TCF7L1: variants seen among roughly 807,000 people sequenced by gnomAD.
The protein encoded by TCF7L1 is transcription factor 7 like 1, also known as transcription factor 7-like 1.
Under a neutral mutation model 63.7 loss-of-function variants are expected in TCF7L1, and 18 were observed. The ratio of observed to expected loss-of-function variants is 0.28; its 90% confidence interval spans 0.20 to 0.42. TCF7L1 has a LOEUF of 0.42. Among genes scored for constraint, TCF7L1 ranks in the 10% least tolerant of loss-of-function variants. The pLI, the probability that TCF7L1 is intolerant of heterozygous loss-of-function variation, is 1.00. For synonymous variants in TCF7L1, 355 were observed against 340.9 expected (o/e 1.04, Z -0.46); for missense variants, 654 against 779.3 (o/e 0.84, Z 1.91).
intron 3 of TCF7L1, among the ~76,000 whole-genome samples, chr2:85,226,004 T>A (rs1373286856): frequency 6.6e-6 from 1 of 152,226 alleles, no homozygotes; most frequent in Non-Finnish European, 1.5e-5. Flanking sequence ...TGAATTTTGT[T>A]GAAGGCCTTT....
chr2:85,280,586 C>A (rs1188231060), intron 3 of TCF7L1, among the ~76,000 whole-genome samples: 3 of 152,148 alleles, frequency 2.0e-5, no homozygotes, highest in African/African-American at 7.2e-5. Flanking sequence ...TTTTAGGTAC[C>A]CATCTATCCT....
At chr2:85,161,096 C>T (rs2104220226) in intron 3 of TCF7L1, among the ~76,000 whole-genome samples, 1 of 152,266 alleles carries the variant, frequency 6.6e-6, no homozygotes, top group South Asian at 2.1e-4. Flanking sequence ...GCCTTGTCCT[C>T]AGAAAAATCG....
chr2:85,305,502 G>T, intron 8 of TCF7L1, 99 bp downstream of exon 8: 1 of 1,412,416 alleles, frequency 7.1e-7, no homozygotes. Context: ...TTCTCTCTTG[G>T]TGTCACTCAG....
chr2:85,211,057 C>A (rs551911344), intron 3 of TCF7L1, among the ~76,000 whole-genome samples: 1 of 152,186 alleles, frequency 6.6e-6, no homozygotes, highest in African/African-American at 2.4e-5. Context: ...AGATTCAGTA[C>A]GCATTGTTGA....
chr2:85,205,389 A>G (rs923545516), intron 3 of TCF7L1, among the ~76,000 whole-genome samples: 1 of 152,194 alleles, frequency 6.6e-6, no homozygotes, highest in Non-Finnish European at 1.5e-5. Context: ...TAGCAATACC[A>G]TACTTCTGTA....
intron 3 of TCF7L1, among the ~76,000 whole-genome samples, chr2:85,157,264 C>A (rs1678170749): frequency 6.6e-6 from 1 of 152,266 alleles, no homozygotes; most frequent in African/African-American, 2.4e-5. Flanking sequence ...CTTCTCTGAA[C>A]AGTGCTTTTT....
chr2:85,149,179 C>T (rs1242644181), intron 3 of TCF7L1, among the ~76,000 whole-genome samples: 1 of 152,056 alleles, frequency 6.6e-6, no homozygotes, highest in African/African-American at 2.4e-5. Flanking sequence ...TTTGAATTTA[C>T]ATGGTTGTCA....
rs1055576567 is a variant in TCF7L1 at position 85,240,994 on chromosome 2, T to C, written c.442-42501T>C. ...AATGGAAATATTAAATCTGTGCCTT[T>C]TGTTTTTGTTTTTAAGGAAATGGAG... On this transcript the variant is annotated intron_variant, in intron 3 of 11. Coordinates refer to ENST00000282111, the MANE Select transcript of TCF7L1 (RefSeq NM_031283.3). Among the ~76,000 whole-genome samples, 25 of 152,192 alleles carry C rather than the reference T, an allele frequency of 1.6e-4. 1 individual carries two copies. Among genetic ancestry groups the C allele is most frequent in the African/African-American group, 5.8e-4 (24 of 41,438 alleles).
At chr2:85,197,988 G>A (rs1319829768) in intron 3 of TCF7L1, among the ~76,000 whole-genome samples, 2 of 152,338 alleles carry the variant, frequency 1.3e-5, no homozygotes, top group East Asian at 1.9e-4. Flanking sequence ...TCTGGGCCAT[G>A]TGAGGCTGTC....
At chr2:85,231,654 C>T (rs1393753981) in intron 3 of TCF7L1, among the ~76,000 whole-genome samples, 2 of 152,244 alleles carry the variant, frequency 1.3e-5, no homozygotes, top group East Asian at 1.9e-4. Flanking sequence ...GAAGCAGCTT[C>T]GTTTTTCCGG....
At chr2:85,215,296 T>A (rs780758938) in intron 3 of TCF7L1, among the ~76,000 whole-genome samples, 19 of 152,232 alleles carry the variant, frequency 1.2e-4, no homozygotes, top group Non-Finnish European at 2.6e-4. Context: ...AGGTGATCAA[T>A]AAATGCTAAA....
chr2:85,142,449 T>A lies in TCF7L1; in HGVS notation c.441+7999T>A, dbSNP rs1677762051. Among the ~76,000 whole-genome samples, 2 of 16,376 alleles carry A rather than the reference T, an allele frequency of 1.2e-4. 1 individual carries two copies. The allele number at this position is 16,376 out of a possible 152,430, so 10.7% of individuals were successfully genotyped here. On this transcript the variant is annotated intron_variant, in intron 3 of 11. Transcript: ENST00000282111. ...AAAAAAAAATGTGTGTGTGTGTGTG[T>A]GTGTGTGTGTGTGTGTTGTGTGTAT... is the stretch of plus-strand genomic sequence containing the variant.
At position 85,306,137 on chromosome 2, in the gene TCF7L1, A is replaced by G; in HGVS notation, c.990-69A>G. Reference sequence around the variant, plus strand: ...CCCCAGAGACAATCAGCGGTGTTTCAGTGACAGGTGGGGATTGATGAGTTG... The same window carrying G: ...CCCCAGAGACAATCAGCGGTGTTTCGGTGACAGGTGGGGATTGATGAGTTG... On this transcript the variant is annotated intron_variant, in intron 8 of 11. Transcript: ENST00000282111. This position sits in a 1 kb window ranked among gnomAD's most constrained non-coding sequence, Gnocchi z 4.3. The G allele has an allele frequency of 1.9e-6, 3 of 1,590,588 alleles. No individual in the cohort carries two copies. The highest frequency in any genetic ancestry group is 2.6e-6 in the Non-Finnish European group (3 of 1,163,042).
rs759945419 is a variant in TCF7L1, at chr2:85,305,378, C to G, written c.964C>G (p.Pro322Ala). The G allele has an allele frequency of 1.2e-6, 2 of 1,613,250 alleles. No individual in the cohort carries two copies. The highest frequency in any genetic ancestry group is 3.3e-5 in the Admixed American group (2 of 59,952). ...SPIVKQEPAP[P>A]SLSPAVSVKS... ...CATCGTCAAGCAGGAACCGGCACCC[C>G]CCAGCCTGAGCCCTGCAGTGAGCGT... The change falls in exon 8 of 12, where the codon CCC becomes GCC. Residue 322 changes from proline (P) to alanine (A), a missense_variant. Coordinates refer to ENST00000282111, the MANE Select transcript of TCF7L1 (RefSeq NM_031283.3).
At chr2:85,149,547 A>C (rs1677961094) in intron 3 of TCF7L1, among the ~76,000 whole-genome samples, 1 of 151,534 alleles carries the variant, frequency 6.6e-6, no homozygotes, top group Non-Finnish European at 1.5e-5. Flanking sequence ...TTTTTTTGAG[A>C]TAGAGTCTGG....
chr2:85,231,149 C>G (rs2104312528), intron 3 of TCF7L1, among the ~76,000 whole-genome samples: 2 of 152,266 alleles, frequency 1.3e-5, no homozygotes, highest in Middle Eastern at 6.8e-3. Context: ...ATGTGCGCCC[C>G]CAGGAAGCCA....
chr2:85,300,854 A>C (rs1681954618), intron 4 of TCF7L1, among the ~76,000 whole-genome samples: 1 of 150,074 alleles, frequency 6.7e-6, no homozygotes. Context: ...ATCTCGGCTC[A>C]CTGCAGCCTC....
chr2:85,307,631 G>A lies in TCF7L1; in HGVS notation c.1258-11G>A, dbSNP rs1482607830. On this transcript the variant is annotated splice_polypyrimidine_tract_variant and intron_variant, in intron 10 of 11. Transcript: ENST00000282111. ...TCCCAGCTTACCTCTTCCTTTGGCTGTATTTTCCAGGGTAAGAAAAAGAAG... is the reference window on the plus strand; with the variant it reads ...TCCCAGCTTACCTCTTCCTTTGGCTATATTTTCCAGGGTAAGAAAAAGAAG... 1.9e-6 allele frequency: 3 copies of A among 1,612,694 alleles called. No homozygotes were observed. The highest frequency in any genetic ancestry group is 2.5e-6 in the Non-Finnish European group (3 of 1,179,198).
At chr2:85,230,850 T>C (rs879856250) in intron 3 of TCF7L1, among the ~76,000 whole-genome samples, 1 of 152,172 alleles carries the variant, frequency 6.6e-6, no homozygotes, top group African/African-American at 2.4e-5. Flanking sequence ...TGCATACACG[T>C]TGCCAGAGGA....
Sources: allele counts gnomAD v4.1 joint callset (sites outside exome capture counted in the v4.1 genomes callset), GRCh38; gene constraint gnomAD v4.1.1; non-coding constraint Gnocchi (gnomAD v3.1); transcripts MANE v1.5; gene names NCBI Gene and HGNC (gene_info 2026-07-23, HGNC 2026-07-21).